EIF2B3: variants seen among roughly 807,000 people sequenced by gnomAD.
EIF2B3 encodes translation initiation factor eIF2B subunit gamma.
A neutral mutation model predicts 54.1 loss-of-function variants in EIF2B3; 20 were observed. That is an observed-to-expected ratio of 0.37 (90% CI 0.26 to 0.54). EIF2B3 has a LOEUF of 0.54. Ranked by LOEUF, EIF2B3 falls within the 20% of genes least tolerant of loss-of-function variation. The pLI is 0.86. For missense variants in EIF2B3, 448 were observed against 547.8 expected (o/e 0.82, Z 1.82); for synonymous variants, 153 against 188.1 (o/e 0.81, Z 1.52).
intron 8 of EIF2B3, 150 bp downstream of exon 8, chr1:44,879,668 A>G (rs944182161): frequency 7.5e-5 from 65 of 867,312 alleles, no homozygotes; most frequent in Admixed American, 1.2e-4. Flanking sequence ...TGAGTACCCT[A>G]GTAGTCTCCC....
Position 44,881,782 on chromosome 1 carries a change from G to A in EIF2B3, c.657-43C>T. 1 of 1,611,062 alleles carries A rather than the reference G, an allele frequency of 6.2e-7. No individual in the cohort carries two copies. Among genetic ancestry groups the A allele is most frequent in the Non-Finnish European group, 8.5e-7 (1 of 1,178,390 alleles). On this transcript the variant is annotated intron_variant, in intron 6 of 11. Coordinates refer to ENST00000360403, the MANE Select transcript of EIF2B3 (RefSeq NM_020365.5). This position sits in a 1 kb window ranked among gnomAD's most constrained non-coding sequence, Gnocchi z 4.0. Reference sequence around the variant, plus strand: ...CCAAATATGAGAAACCTGACTGTCTGGAACATACCCGGATCAAAAGCTCTG... The same window carrying A: ...CCAAATATGAGAAACCTGACTGTCTAGAACATACCCGGATCAAAAGCTCTG...
At chr1:44,933,060 C>T (rs149297287) in intron 4 of EIF2B3, among the ~76,000 whole-genome samples, 2 of 151,578 alleles carry the variant, frequency 1.3e-5, no homozygotes, top group African/African-American at 4.8e-5. Context: ...AGGAGAGGTA[C>T]CTTGAAGAAT....
At chr1:44,913,844 T>TTTTTGAGGC (rs1569704480) in intron 5 of EIF2B3, among the ~76,000 whole-genome samples, 3 of 145,826 alleles carry the variant, frequency 2.1e-5, no homozygotes, top group Admixed American at 7.0e-5. Flanking sequence ...TTTTTTTTTT[T>TTTTTGAGGC]AGATGGAGTT....
intron 5 of EIF2B3, among the ~76,000 whole-genome samples, chr1:44,915,723 A>C (rs931743973): frequency 2.0e-5 from 3 of 152,178 alleles, no homozygotes; most frequent in African/African-American, 7.2e-5. Flanking sequence ...TACATATACA[A>C]ATAGATGTAC....
At chr1:44,952,187 T>A (rs1185281423) in intron 3 of EIF2B3, among the ~76,000 whole-genome samples, 1 of 139,180 alleles carries the variant, frequency 7.2e-6, no homozygotes, top group Non-Finnish European at 1.6e-5. Context: ...ATGGTCTCGA[T>A]CTCCTGACCT....
At position 44,962,596 on chromosome 1, in the gene EIF2B3, G is replaced by A. The variant is rs375793883; in HGVS notation, c.294+15719C>T. Among the ~76,000 whole-genome samples the A allele has an allele frequency of 7.2e-5, 11 of 152,134 alleles. No individual in the cohort carries two copies. In the East Asian group the frequency reaches 1.4e-3, roughly 19 times the overall value. On this transcript the variant is annotated intron_variant, in intron 3 of 11. Transcript: ENST00000360403. The stretch of plus-strand genomic sequence containing the variant: ...TGGCTAATCTAAAAAAATTTGTGTA[G>A]CGATGAGGGAGTCTCACCATCTTGC...
intron 4 of EIF2B3, among the ~76,000 whole-genome samples, chr1:44,927,738 A>T (rs189149865): frequency 1.3e-5 from 2 of 152,280 alleles, no homozygotes; most frequent in Admixed American, 1.3e-4. Flanking sequence ...GAGGAGAGGG[A>T]GGAAATACTT....
chr1:44,921,401 C>T (rs1057485376), intron 5 of EIF2B3, among the ~76,000 whole-genome samples: 2 of 152,058 alleles, frequency 1.3e-5, no homozygotes, highest in Non-Finnish European at 2.9e-5. Flanking sequence ...TGATATGATC[C>T]CATTTGTCCA....
At chr1:44,899,114 T>C (rs12080887) in intron 5 of EIF2B3, among the ~76,000 whole-genome samples, 34,175 of 152,184 alleles carry the variant, frequency 0.22, 4,476 homozygotes, top group African/African-American at 0.37. Flanking sequence ...AGCCACTGCA[T>C]TCAGCCTATG....
chr1:44,879,787 A>G, intron 8 of EIF2B3, 31 bp downstream of exon 8: 1 of 1,609,564 alleles, frequency 6.2e-7, no homozygotes, highest in Non-Finnish European at 8.5e-7. Flanking sequence ...CTAGGACAAG[A>G]GCCCCATGAT....
intron 3 of EIF2B3, among the ~76,000 whole-genome samples, chr1:44,966,646 T>G (rs1557708846): frequency 6.6e-6 from 1 of 152,196 alleles, no homozygotes; most frequent in Non-Finnish European, 1.5e-5. Context: ...TGACTCACTC[T>G]TCTCTTCTGA....
intron 5 of EIF2B3, among the ~76,000 whole-genome samples, chr1:44,915,948 T>G (rs1643615302): frequency 6.6e-6 from 1 of 152,142 alleles, no homozygotes; most frequent in East Asian, 1.9e-4. Flanking sequence ...TTGAAATTAT[T>G]ATGGTTTTTT....
At chr1:44,860,274 C>A (rs1177588066) in intron 10 of EIF2B3, among the ~76,000 whole-genome samples, 2 of 152,204 alleles carry the variant, frequency 1.3e-5, no homozygotes, top group African/African-American at 4.8e-5. Flanking sequence ...TTCAGCCCCC[C>A]AAGTAGCTGA....
chr1:44,870,594 A>C (rs1654934352), intron 10 of EIF2B3, among the ~76,000 whole-genome samples: 1 of 150,020 alleles, frequency 6.7e-6, no homozygotes, highest in Non-Finnish European at 1.5e-5. Flanking sequence ...TTTTCATGTC[A>C]CACACTCTCC....
chr1:44,942,131 C>G (rs1644030593), intron 3 of EIF2B3, among the ~76,000 whole-genome samples: 1 of 151,598 alleles, frequency 6.6e-6, no homozygotes, highest in Admixed American at 6.6e-5. Context: ...ACTTAACATT[C>G]TATAGTAAAT....
intron 8 of EIF2B3, among the ~76,000 whole-genome samples, chr1:44,877,017 C>T (rs1655185031): frequency 6.7e-6 from 1 of 149,860 alleles, no homozygotes; most frequent in African/African-American, 2.5e-5. Context: ...TAAGAGTCAT[C>T]ACCACTCCCT....
chr1:44,898,559 T>A (rs1199093868), intron 5 of EIF2B3, among the ~76,000 whole-genome samples: 3 of 152,102 alleles, frequency 2.0e-5, no homozygotes, highest in Non-Finnish European at 4.4e-5. Context: ...GTCATTCTAT[T>A]TAATAAAAAT....
At chr1:44,902,875 G>A (rs1168817898) in intron 5 of EIF2B3, among the ~76,000 whole-genome samples, 1 of 146,232 alleles carries the variant, frequency 6.8e-6, no homozygotes, top group Non-Finnish European at 1.5e-5. Context: ...CCAAAGAAGC[G>A]GCTGCCTGCT....
intron 4 of EIF2B3, among the ~76,000 whole-genome samples, chr1:44,940,238 T>C (rs185242016): frequency 2.6e-4 from 39 of 152,292 alleles, no homozygotes; most frequent in African/African-American, 9.1e-4. Context: ...CATAGTCTAA[T>C]AATTGTAACA....
Sources: allele counts gnomAD v4.1 joint callset (sites outside exome capture counted in the v4.1 genomes callset), GRCh38; gene constraint gnomAD v4.1.1; non-coding constraint Gnocchi (gnomAD v3.1); transcripts MANE v1.5; gene names NCBI Gene and HGNC (gene_info 2026-07-23, HGNC 2026-07-21).